The following SRPK2 variants were observed in gnomAD, a reference collection of about 807,000 sequenced individuals.
SRPK2 encodes the protein SFRS protein kinase 2.
SRPK2 carries 21 observed loss-of-function variants against 90.8 expected under a neutral mutation model. That is an observed-to-expected ratio of 0.23 (90% confidence interval 0.16 to 0.33). The LOEUF (loss-of-function observed/expected upper bound fraction) is 0.33, where lower values mean the gene tolerates loss of function less well. Ranked by LOEUF, SRPK2 falls within the 10% of genes least tolerant of loss-of-function variation. The pLI is 1.00. For synonymous variants in SRPK2, 288 were observed against 311.1 expected, an observed-to-expected ratio of 0.93 and a Z score of 0.78; for missense variants, 620 against 869.0, an observed-to-expected ratio of 0.71 and a Z score of 3.60.
chr7:105,138,662 C>T (rs1187402589), intron 11 of SRPK2, among the ~76,000 whole-genome samples: 23 of 152,108 alleles, frequency 1.5e-4, no homozygotes, highest in Admixed American at 1.5e-3. Context: ...GTTGACCAGA[C>T]ATGGTAGTGC....
intron 2 of SRPK2, among the ~76,000 whole-genome samples, chr7:105,371,668 G>C (rs1483140210): frequency 1.3e-5 from 2 of 151,798 alleles, no homozygotes; most frequent in African/African-American, 4.8e-5. Context: ...CCTGAGGTGG[G>C]AGGATCACTA....
At chr7:105,314,343 T>C (rs775868974) in intron 2 of SRPK2, among the ~76,000 whole-genome samples, 3 of 151,602 alleles carry the variant, frequency 2.0e-5, no homozygotes, top group African/African-American at 4.8e-5. Flanking sequence ...AAAAATAAAC[T>C]GGCAAATCCT....
intron 2 of SRPK2, among the ~76,000 whole-genome samples, chr7:105,344,407 C>CTTTT (rs1178845367): frequency 5.1e-5 from 3 of 58,456 alleles, no homozygotes; most frequent in Non-Finnish European, 6.4e-5. Context: ...GCAGCCACAC[C>CTTTT]TTTTTTTTTT....
chr7:105,265,948 A>G (rs138170429), intron 2 of SRPK2, among the ~76,000 whole-genome samples: 2 of 152,238 alleles, frequency 1.3e-5, no homozygotes, highest in East Asian at 3.9e-4. Context: ...TCTTCAAAAC[A>G]CAAAACCAAA....
intron 13 of SRPK2, among the ~76,000 whole-genome samples, chr7:105,129,680 A>G (rs1431881181): frequency 1.3e-5 from 2 of 152,066 alleles, no homozygotes; most frequent in African/African-American, 4.8e-5. Flanking sequence ...GGGCCTAAGT[A>G]TAATCTTTAT....
chr7:105,159,519 A>T (rs1338481335), intron 7 of SRPK2, among the ~76,000 whole-genome samples: 1 of 151,256 alleles, frequency 6.6e-6, no homozygotes, highest in Non-Finnish European at 1.5e-5. Context: ...GGCTAAACAA[A>T]GTTATCTGCA....
intron 13 of SRPK2, among the ~76,000 whole-genome samples, chr7:105,129,684 T>A (rs1317466832): frequency 6.6e-6 from 1 of 152,112 alleles, no homozygotes; most frequent in Non-Finnish European, 1.5e-5. Context: ...CTAAGTATAA[T>A]CTTTATTATT....
intron 7 of SRPK2, among the ~76,000 whole-genome samples, chr7:105,158,347 C>T (rs1412015113): frequency 2.0e-5 from 3 of 151,936 alleles, no homozygotes; most frequent in Non-Finnish European, 2.9e-5. Flanking sequence ...CTCCACCTCC[C>T]GGGTTCAAGT....
intron 11 of SRPK2, among the ~76,000 whole-genome samples, chr7:105,141,667 A>G (rs1334013701): frequency 1.3e-5 from 2 of 152,244 alleles, no homozygotes; most frequent in African/African-American, 4.8e-5. Flanking sequence ...ATATAATGAC[A>G]TTAGATGGAA....
chr7:105,308,805 A>T (rs558582811), intron 2 of SRPK2, among the ~76,000 whole-genome samples: 1 of 152,190 alleles, frequency 6.6e-6, no homozygotes, highest in Non-Finnish European at 1.5e-5. Context: ...CATAATTAAC[A>T]TAAGTACTTA....
chr7:105,368,751 G>A (rs1028606025), intron 2 of SRPK2, among the ~76,000 whole-genome samples: 3 of 152,046 alleles, frequency 2.0e-5, no homozygotes, highest in African/African-American at 4.8e-5. Flanking sequence ...CAGGCATGGT[G>A]GCGCATGCCT....
chr7:105,370,028 AAAC>A (rs10694399), intron 2 of SRPK2, among the ~76,000 whole-genome samples: 9 of 150,142 alleles, frequency 6.0e-5, no homozygotes, highest in Admixed American at 4.0e-4. Flanking sequence ...ACTCCATCTC[AAAC>A]AACAACAACA....
At chr7:105,123,254 G>A (rs966821825) in intron 15 of SRPK2, among the ~76,000 whole-genome samples, 1 of 152,164 alleles carries the variant, frequency 6.6e-6, no homozygotes, top group Non-Finnish European at 1.5e-5. Context: ...GCCAAGGAAT[G>A]ATTCAAACTA....
intron 2 of SRPK2, among the ~76,000 whole-genome samples, chr7:105,267,260 A>T (rs1233662661): frequency 6.6e-6 from 1 of 152,214 alleles, no homozygotes; most frequent in African/African-American, 2.4e-5. Flanking sequence ...TCTCAATAAT[A>T]TTCATCCACT....
chr7:105,196,500 T>C (rs910863867), intron 3 of SRPK2, among the ~76,000 whole-genome samples: 4 of 152,208 alleles, frequency 2.6e-5, no homozygotes, highest in Non-Finnish European at 4.4e-5. Flanking sequence ...GTAACTGTCC[T>C]GTGCGCTGTG....
chr7:105,216,667 A>AG (rs1218817095), intron 2 of SRPK2, among the ~76,000 whole-genome samples: 1 of 151,744 alleles, frequency 6.6e-6, no homozygotes, highest in African/African-American at 2.4e-5. Flanking sequence ...AAAAAAAAAA[A>AG]AAAGAGAGAG....
chr7:105,311,391 C>T (rs1395079308), intron 2 of SRPK2, among the ~76,000 whole-genome samples: 1 of 152,114 alleles, frequency 6.6e-6, no homozygotes, highest in East Asian at 1.9e-4. Flanking sequence ...TGCCACCACG[C>T]CTAGCTAACT....
chr7:105,268,191 TTC>T (rs1305968281), intron 2 of SRPK2, among the ~76,000 whole-genome samples: 4 of 152,232 alleles, frequency 2.6e-5, no homozygotes, highest in African/African-American at 7.2e-5. Flanking sequence ...TTAAAAATAC[TTC>T]TGAGTCATTT....
intron 2 of SRPK2, among the ~76,000 whole-genome samples, chr7:105,250,737 T>C (rs1802373803): frequency 6.6e-6 from 1 of 152,218 alleles, no homozygotes; most frequent in Non-Finnish European, 1.5e-5. Context: ...CTTCTCCAAA[T>C]TCATCATGAA....
Sources: allele counts gnomAD v4.1 joint callset (sites outside exome capture counted in the v4.1 genomes callset), GRCh38; gene constraint gnomAD v4.1.1; transcripts MANE v1.5; gene names NCBI Gene and HGNC (gene_info 2026-07-23, HGNC 2026-07-21).